The following ARL6IP6 variants were observed in gnomAD, a reference collection of about 807,000 sequenced individuals.
ARL6IP6 encodes ARF like GTPase 6 interacting protein 6.
A neutral mutation model predicts 21.5 loss-of-function variants in ARL6IP6; 22 were observed. That is an observed-to-expected ratio of 1.02 (90% CI 0.73 to 1.46). The LOEUF is 1.46. Among genes scored for constraint, ARL6IP6 ranks in the 40% most tolerant of loss-of-function variants. ARL6IP6 has a pLI of 0.00. For missense variants in ARL6IP6, 388 were observed against 299.8 expected (o/e 1.29, Z -2.17); for synonymous variants, 164 against 125.3 (o/e 1.31, Z -2.06).
chr2:152,720,688 G>A, intron 2 of ARL6IP6, 102 bp downstream of exon 2: 2 of 1,032,938 alleles, frequency 1.9e-6, no homozygotes, highest in Non-Finnish European at 2.9e-6. Flanking sequence ...GTATTTCTAT[G>A]TGCAGTCATT....
intron 2 of ARL6IP6, among the ~76,000 whole-genome samples, chr2:152,726,443 T>C (rs1700055778): frequency 6.6e-6 from 1 of 152,178 alleles, no homozygotes; most frequent in Admixed American, 6.5e-5. Context: ...GGCTTTGACG[T>C]GTAAAGAGAC....
intron 2 of ARL6IP6, among the ~76,000 whole-genome samples, chr2:152,728,639 A>G (rs939262025): frequency 2.0e-5 from 3 of 152,224 alleles, no homozygotes; most frequent in African/African-American, 7.2e-5. Flanking sequence ...CAAAACAAAT[A>G]TACCCTTAGA....
At chr2:152,754,822 T>C (rs1701502862) in intron 3 of ARL6IP6, among the ~76,000 whole-genome samples, 1 of 152,206 alleles carries the variant, frequency 6.6e-6, no homozygotes, top group Admixed American at 6.5e-5. Context: ...GTATAACTAA[T>C]GACATTGAGC....
At chr2:152,723,161 G>A (rs1247828231) in intron 2 of ARL6IP6, among the ~76,000 whole-genome samples, 2 of 152,128 alleles carry the variant, frequency 1.3e-5, no homozygotes, top group Non-Finnish European at 2.9e-5. Flanking sequence ...TGCCTCATTA[G>A]TTTACCCCTG....
intron 3 of ARL6IP6, among the ~76,000 whole-genome samples, chr2:152,740,874 A>G (rs1700776473): frequency 6.6e-6 from 1 of 152,122 alleles, no homozygotes; most frequent in South Asian, 2.1e-4. Context: ...TTTTATAGTC[A>G]AAACCCTGCC....
chr2:152,732,660 C>T, intron 2 of ARL6IP6: 1 of 378,038 alleles, frequency 2.6e-6, no homozygotes, highest in Admixed American at 3.7e-5. Context: ...TGTGTGTTTA[C>T]CTATATACAG....
chr2:152,719,123 C>T (rs1699541729), intron 1 of ARL6IP6, 99 bp downstream of exon 1: 4 of 1,337,018 alleles, frequency 3.0e-6, no homozygotes, highest in Non-Finnish European at 3.9e-6. Context: ...GCTAAGCCCT[C>T]AGGCTGGCAG....
chr2:152,749,207 A>G (rs1701197391), intron 3 of ARL6IP6, among the ~76,000 whole-genome samples: 1 of 152,076 alleles, frequency 6.6e-6, no homozygotes, highest in Admixed American at 6.5e-5. Context: ...ATATTTTCAC[A>G]GAACAAAGTC....
At chr2:152,755,769 C>T (rs1273262073) in intron 3 of ARL6IP6, among the ~76,000 whole-genome samples, 1 of 152,126 alleles carries the variant, frequency 6.6e-6, no homozygotes, top group Non-Finnish European at 1.5e-5. Context: ...GGTAGTGGTC[C>T]CCCGGGCCCA....
intron 3 of ARL6IP6, among the ~76,000 whole-genome samples, chr2:152,758,546 G>C (rs550605617): frequency 6.6e-6 from 1 of 152,210 alleles, no homozygotes; most frequent in Non-Finnish European, 1.5e-5. Context: ...AGGTAATATA[G>C]GTAGGTAGAT....
intron 3 of ARL6IP6, among the ~76,000 whole-genome samples, chr2:152,746,219 G>A (rs1434841313): frequency 6.6e-6 from 1 of 151,856 alleles, no homozygotes; most frequent in Non-Finnish European, 1.5e-5. Flanking sequence ...TAGAGACGGG[G>A]TTTTGCCATG....
intron 2 of ARL6IP6, among the ~76,000 whole-genome samples, chr2:152,728,299 T>C (rs894567593): frequency 2.0e-5 from 3 of 152,258 alleles, no homozygotes; most frequent in East Asian, 1.9e-4. Context: ...TGTTTACTTA[T>C]GAAGTTTTAT....
chr2:152,745,623 C>T (rs1701008672), intron 3 of ARL6IP6, among the ~76,000 whole-genome samples: 1 of 152,092 alleles, frequency 6.6e-6, no homozygotes, highest in Non-Finnish European at 1.5e-5. Context: ...GCCTCTTTGT[C>T]GAATCAGATT....
intron 3 of ARL6IP6, among the ~76,000 whole-genome samples, chr2:152,744,828 T>TA (rs1201661414): frequency 6.6e-6 from 1 of 152,156 alleles, no homozygotes. Flanking sequence ...CATCCTTGTT[T>TA]AAAAAAATTG....
intron 1 of ARL6IP6, 65 bp downstream of exon 1, chr2:152,719,089 T>A: frequency 7.0e-7 from 1 of 1,429,250 alleles, no homozygotes; most frequent in East Asian, 2.5e-5. Context: ...GGCTCTCGTC[T>A]CCACCCATCT....
chr2:152,718,859 G>T lies in ARL6IP6; in HGVS notation c.235G>T (p.Gly79Trp), dbSNP rs1284118575. The T allele has an allele frequency of 1.9e-6, 3 of 1,613,320 alleles. No individual in the cohort carries two copies. The highest frequency in any genetic ancestry group is 8.5e-7 in the Non-Finnish European group (1 of 1,179,598). ...CTCGGTGCTCCCGCCGGACGGGAAC[G>T]GGTCGCCCGTTCTGCCCGATAAGCG... The part of the protein sequence containing the change: ...KRSVLPPDGN[G>W]SPVLPDKRNG... Residue 79 changes from glycine to tryptophan, a missense_variant, in exon 1 of 4, where the codon GGG becomes TGG. Gly to Trp is a radical substitution (Grantham distance 184, BLOSUM62 -2). Coordinates refer to ENST00000326446, the MANE Select transcript of ARL6IP6 (RefSeq NM_152522.7).
intron 3 of ARL6IP6, among the ~76,000 whole-genome samples, chr2:152,739,751 A>G (rs1700722308): frequency 6.6e-6 from 1 of 152,246 alleles, no homozygotes; most frequent in Admixed American, 6.5e-5. Flanking sequence ...TAATAAAGAT[A>G]TACCTGAGAC....
At chr2:152,730,295 A>G (rs1196917313) in intron 2 of ARL6IP6, among the ~76,000 whole-genome samples, 1 of 152,180 alleles carries the variant, frequency 6.6e-6, no homozygotes, top group African/African-American at 2.4e-5. Context: ...CTCACATTTG[A>G]TTATTTTTAT....
intron 2 of ARL6IP6, among the ~76,000 whole-genome samples, chr2:152,724,094 A>G (rs1256017585): frequency 6.8e-6 from 1 of 146,752 alleles, no homozygotes. Flanking sequence ...TTATTCAAGA[A>G]ATGATGACTA....
Sources: allele counts gnomAD v4.1 joint callset (sites outside exome capture counted in the v4.1 genomes callset), GRCh38; gene constraint gnomAD v4.1.1; transcripts MANE v1.5; gene names NCBI Gene and HGNC (gene_info 2026-07-23, HGNC 2026-07-21).